Variants in SKAP1 observed in about 807,000 individuals in gnomAD.
SKAP1 encodes the protein src kinase associated phosphoprotein 1, also known as src kinase-associated phosphoprotein 1.
In SKAP1, 44 loss-of-function variants were observed where a neutral mutation model predicts 58.5. That is an observed-to-expected ratio of 0.75 (90% CI 0.59 to 0.97). The LOEUF is 0.97. SKAP1 is among the 50% of genes least tolerant of loss of function. The pLI is 0.00. For missense variants in SKAP1, 390 were observed against 435.2 expected (o/e 0.90, Z 0.92); for synonymous variants, 127 against 149.7 (o/e 0.85, Z 1.11).
chr17:48,320,247 A>T (rs893982843), intron 4 of SKAP1, among the ~76,000 whole-genome samples: 1 of 152,208 alleles, frequency 6.6e-6, no homozygotes, highest in African/African-American at 2.4e-5. Flanking sequence ...AGTATTAATT[A>T]AGTGATCTTA....
intron 11 of SKAP1, among the ~76,000 whole-genome samples, chr17:48,142,769 G>A (rs2063784059): frequency 6.6e-6 from 1 of 150,528 alleles, no homozygotes; most frequent in South Asian, 2.1e-4. Context: ...ATAACTAAAT[G>A]TGTCTGTCTG....
chr17:48,277,987 C>T (rs1345604051), intron 4 of SKAP1, among the ~76,000 whole-genome samples: 8 of 152,220 alleles, frequency 5.3e-5, no homozygotes, highest in Admixed American at 3.3e-4. Context: ...GCACCTTTTA[C>T]ATACTCTAAA....
At chr17:48,184,521 G>T (rs1276276188) in intron 7 of SKAP1, among the ~76,000 whole-genome samples, 2 of 152,206 alleles carry the variant, frequency 1.3e-5, no homozygotes, top group East Asian at 3.8e-4. Context: ...AGCAAAGTCT[G>T]TATCTAAGAT....
chr17:48,349,987 A>G (rs1022945616), intron 3 of SKAP1, among the ~76,000 whole-genome samples: 2 of 152,184 alleles, frequency 1.3e-5, no homozygotes, highest in African/African-American at 4.8e-5. Flanking sequence ...CATAAACTTT[A>G]TGGAGAAGTG....
At chr17:48,445,059 A>T in the SKAP1 span, among the ~76,000 whole-genome samples, 1 of 152,144 alleles carries the variant, frequency 6.6e-6, no homozygotes, top group Non-Finnish European at 1.5e-5. Flanking sequence ...ACAGACTGTC[A>T]CTGGCAAAAT....
intron 4 of SKAP1, among the ~76,000 whole-genome samples, chr17:48,204,923 T>G (rs1159435377): frequency 1.4e-5 from 2 of 145,356 alleles, no homozygotes; most frequent in Admixed American, 1.4e-4. Context: ...AGGAAATCCT[T>G]CCTTCCTTCC....
At chr17:48,181,927 AAC>A (rs1342449799) in intron 8 of SKAP1, among the ~76,000 whole-genome samples, 1 of 152,132 alleles carries the variant, frequency 6.6e-6, no homozygotes, top group Non-Finnish European at 1.5e-5. Context: ...CTTGGGAAAT[AAC>A]AGTTTGTTTT....
At chr17:48,269,287 A>C (rs1378912430) in intron 4 of SKAP1, among the ~76,000 whole-genome samples, 1 of 152,208 alleles carries the variant, frequency 6.6e-6, no homozygotes, top group Non-Finnish European at 1.5e-5. Context: ...AAAGTAAATA[A>C]ATAAATTTGA....
chr17:48,188,350 A>G (rs1243547184), intron 5 of SKAP1, among the ~76,000 whole-genome samples: 1 of 152,108 alleles, frequency 6.6e-6, no homozygotes, highest in East Asian at 1.9e-4. Context: ...TGAGATGCCA[A>G]CTCTAGTGGT....
intron 2 of SKAP1, among the ~76,000 whole-genome samples, chr17:48,383,777 A>G (rs1397438636): frequency 7.3e-6 from 1 of 137,468 alleles, no homozygotes; most frequent in African/African-American, 2.8e-5. Flanking sequence ...AGTGCAGTGG[A>G]GCAATCTCGG....
At chr17:48,434,194 A>C (rs948265912), upstream of SKAP1, among the ~76,000 whole-genome samples, 1 of 152,164 alleles carries the variant, frequency 6.6e-6, no homozygotes, top group Non-Finnish European at 1.5e-5. Flanking sequence ...TTTTATTGAC[A>C]ATGCTGGGGC....
chr17:48,184,299 T>C (rs2064414479), intron 7 of SKAP1, among the ~76,000 whole-genome samples: 2 of 105,954 alleles, frequency 1.9e-5, no homozygotes, highest in African/African-American at 2.8e-5. Context: ...AAGATGAACA[T>C]GGGAAAATAA....
At chr17:48,187,029 C>T (rs1030298572) in intron 6 of SKAP1, among the ~76,000 whole-genome samples, 2 of 152,300 alleles carry the variant, frequency 1.3e-5, no homozygotes, top group East Asian at 1.9e-4. Context: ...CTCCCTCTTG[C>T]GTCTTAGAAT....
At chr17:48,390,271 C>A (rs2067328941) in intron 2 of SKAP1, among the ~76,000 whole-genome samples, 1 of 152,152 alleles carries the variant, frequency 6.6e-6, no homozygotes, top group South Asian at 2.1e-4. Context: ...TACAGAGAGG[C>A]CTTTTTCATT....
At chr17:48,183,064 A>G (rs1358810669) in intron 7 of SKAP1, among the ~76,000 whole-genome samples, 2 of 152,170 alleles carry the variant, frequency 1.3e-5, no homozygotes, top group Non-Finnish European at 2.9e-5. Flanking sequence ...TGGAGAGTTG[A>G]GGGTCAGAGA....
chr17:48,296,514 G>A (rs2065975108), intron 4 of SKAP1, among the ~76,000 whole-genome samples: 1 of 152,136 alleles, frequency 6.6e-6, no homozygotes, highest in South Asian at 2.1e-4. Flanking sequence ...TTGTTTTGAT[G>A]TTTCAAAATA....
intron 4 of SKAP1, among the ~76,000 whole-genome samples, chr17:48,263,229 C>T (rs6504145): frequency 0.21 from 31,864 of 152,006 alleles, 3,343 homozygotes; most frequent in Admixed American, 0.22. Flanking sequence ...ACAAGAAATA[C>T]TGAAAGGGCT....
the SKAP1 span, among the ~76,000 whole-genome samples, chr17:48,436,460 T>C: frequency 1.3e-5 from 2 of 152,182 alleles, no homozygotes; most frequent in African/African-American, 4.8e-5. Flanking sequence ...CTATCTTTCA[T>C]ACACAAAATG....
intron 4 of SKAP1, chr17:48,193,595 G>C (rs1567814744): frequency 1.4e-6 from 1 of 713,276 alleles, no homozygotes; most frequent in Non-Finnish European, 1.7e-6. Context: ...TTAGCTCCAT[G>C]ATCTATCTGA....
Sources: allele counts gnomAD v4.1 joint callset (sites outside exome capture counted in the v4.1 genomes callset), GRCh38; gene constraint gnomAD v4.1.1; transcripts MANE v1.5; gene names NCBI Gene and HGNC (gene_info 2026-07-23, HGNC 2026-07-21).